Variants in PCDHGB2 observed in about 807,000 individuals in gnomAD.
PCDHGB2 encodes protocadherin gamma-B2.
PCDHGB2 carries 55 observed loss-of-function variants against 59.3 expected under a neutral mutation model. That is an observed-to-expected ratio of 0.93 (90% CI 0.75 to 1.16). The LOEUF is 1.16. Ranked by LOEUF, PCDHGB2 falls within the 50% of genes most tolerant of loss-of-function variation. PCDHGB2 has a pLI of 0.00. For missense variants in PCDHGB2, 1,228 were observed against 1,198.5 expected (o/e 1.02, Z -0.36); for synonymous variants, 516 against 512.0 (o/e 1.01, Z -0.11).
chr5:141,478,259 T>A lies in PCDHGB2; in HGVS notation c.2422-16548T>A, dbSNP rs534973741. ...GGTCACAGTGTTCGGAGTAATCATA[T>A]TCAAAGTTTACAAGTGGAAGCAGTC... On this transcript the variant is annotated intron_variant, in intron 1 of 3. Transcript: ENST00000522605. 3.2e-5 allele frequency: 52 copies of A among 1,614,064 alleles called. No individual in the cohort carries two copies. The highest frequency in any genetic ancestry group is 4.4e-5 in the Non-Finnish European group (52 of 1,180,048).
Position 141,376,087 on chromosome 5 carries a change from C to G in PCDHGB2, c.2421+13531C>G, listed in dbSNP as rs1772268954. On this transcript the variant is annotated intron_variant, in intron 1 of 3. Coordinates refer to ENST00000522605, the MANE Select transcript of PCDHGB2 (RefSeq NM_018923.3). The stretch of plus-strand genomic sequence containing the variant: ...TCACCGTGGCCGTGGCCGACAGGAT[C>G]CCCGACATCCTGGCCGACCTGGGCA... 1 of 1,613,538 alleles carries G rather than the reference C, an allele frequency of 6.2e-7. No individual in the cohort carries two copies. The highest frequency in any genetic ancestry group is 8.5e-7 in the Non-Finnish European group (1 of 1,179,934).
intron 1 of PCDHGB2, chr5:141,417,121 G>C (rs2096086482): frequency 6.6e-6 from 1 of 152,110 alleles, no homozygotes; most frequent in Non-Finnish European, 1.5e-5. Context: ...GGACACCCTG[G>C]ATGATGGTAA....
At chr5:141,466,325 C>T (rs1252026939) in intron 1 of PCDHGB2, among the ~76,000 whole-genome samples, 3 of 152,108 alleles carry the variant, frequency 2.0e-5, no homozygotes, top group African/African-American at 7.2e-5. Context: ...CACATGCTAC[C>T]ATGCCTGGAT....
chr5:141,396,922 C>T lies in PCDHGB2; in HGVS notation c.2421+34366C>T, dbSNP rs576253766. Among the ~76,000 whole-genome samples, 68 of 152,290 alleles carry T rather than the reference C, an allele frequency of 4.5e-4. 1 individual carries two copies. The highest frequency in any genetic ancestry group is 1.5e-3 in the African/African-American group (61 of 41,560). ...TTGGCACTTTGCAATTTTAAAAACT[C>T]GGATGAAAGTTGCCCTGGTAGGAAA... On this transcript the variant is annotated intron_variant, in intron 1 of 3. Transcript: ENST00000522605.
In PCDHGB2 at chr5:141,387,802, G is replaced by A. The variant is rs916959942; in HGVS notation, c.2421+25246G>A. 2.0e-6 allele frequency: 3 copies of A among 1,511,984 alleles called. No homozygotes were observed. The Admixed American group carries it at 7.0e-5, about 35-fold the overall frequency. 93.7% of individuals were successfully genotyped at this position (1,511,984 alleles called of 1,614,324 possible). On this transcript the variant is annotated intron_variant, in intron 1 of 3. Coordinates refer to ENST00000522605, the MANE Select transcript of PCDHGB2 (RefSeq NM_018923.3). ...CTGGAACTGCAACTAAAGTCCGTTC[G>A]GAGATCCAAAAATCTGCAATACAGA...
Position 141,370,669 on chromosome 5 carries a change from G to T in PCDHGB2, c.2421+8113G>T, listed in dbSNP as rs370792537. 8.7e-6 allele frequency: 14 copies of T among 1,613,790 alleles called. No homozygotes were observed. The highest frequency in any genetic ancestry group is 1.1e-5 in the Non-Finnish European group (13 of 1,179,912). On this transcript the variant is annotated intron_variant, in intron 1 of 3. Coordinates refer to ENST00000522605, the MANE Select transcript of PCDHGB2 (RefSeq NM_018923.3). ...TTACTTGTGAGCGACCGTATAGACCGAGAGGAGATTTGTGGCAAGAAGTCG... is the reference window on the plus strand; with the variant it reads ...TTACTTGTGAGCGACCGTATAGACCTAGAGGAGATTTGTGGCAAGAAGTCG...
At chr5:141,415,252 C>T (rs895920596) in intron 1 of PCDHGB2, 5 of 1,614,098 alleles carry the variant, frequency 3.1e-6, no homozygotes, top group Non-Finnish European at 4.2e-6. Context: ...AACCTCAGAC[C>T]TCACTCTGTA....
At chr5:141,389,926 A>G (rs1442843006) in intron 1 of PCDHGB2, 2 of 1,613,766 alleles carry the variant, frequency 1.2e-6, no homozygotes, top group Non-Finnish European at 1.7e-6. Context: ...GACCCCTCTG[A>G]CCTCCAGGCT....
intron 1 of PCDHGB2, among the ~76,000 whole-genome samples, chr5:141,382,462 T>A (rs1481999551): frequency 6.6e-6 from 1 of 152,240 alleles, no homozygotes; most frequent in Admixed American, 6.5e-5. Context: ...AGCAGTTTTT[T>A]AAAAATTATC....
At position 141,384,635 on chromosome 5, in the gene PCDHGB2, C is replaced by G. The variant is rs752480661; in HGVS notation, c.2421+22079C>G. On this transcript the variant is annotated intron_variant, in intron 1 of 3. Coordinates refer to ENST00000522605, the MANE Select transcript of PCDHGB2 (RefSeq NM_018923.3). The stretch of plus-strand genomic sequence containing the variant: ...GGTTCTACTGGCATGGAGCTGGCAC[C>G]CCGCTCCGCAGAGCCCGGCTACCTG... The G allele has an allele frequency of 1.9e-6, 3 of 1,614,214 alleles. No individual in the cohort carries two copies. The East Asian group carries it at 6.7e-5, about 36-fold the overall frequency.
At chr5:141,374,673 A>AC (rs753936532) in intron 1 of PCDHGB2, 1 of 1,610,972 alleles carries the variant, frequency 6.2e-7, no homozygotes, top group Admixed American at 1.7e-5. Flanking sequence ...CTGGTGCTGG[A>AC]GGGCACACTG....
At chr5:141,398,041 G>A in intron 1 of PCDHGB2, 3 of 1,492,894 alleles carry the variant, frequency 2.0e-6, no homozygotes, top group Non-Finnish European at 2.7e-6. Context: ...ACTAAAGCCC[G>A]TTCGGAGATC....
rs2099691833 is a variant in PCDHGB2, at chr5:141,489,761, C to A, written c.2422-5046C>A. 8.1e-6 allele frequency: 13 copies of A among 1,614,102 alleles called. No individual in the cohort carries two copies. The highest frequency in any genetic ancestry group is 1.1e-5 in the Non-Finnish European group (13 of 1,179,962). ...ACTGTGAGCTTTTACACTCTAAGCCCCAACAGCCACTTCTCTCTGAATGTG... is the reference window on the plus strand; with the variant it reads ...ACTGTGAGCTTTTACACTCTAAGCCACAACAGCCACTTCTCTCTGAATGTG... On this transcript the variant is annotated intron_variant, in intron 1 of 3. Coordinates refer to ENST00000522605, the MANE Select transcript of PCDHGB2 (RefSeq NM_018923.3). The surrounding 1 kb of genome is among the most constrained non-coding windows in gnomAD (Gnocchi z 4.5).
chr5:141,382,978 T>C, intron 1 of PCDHGB2: 1 of 1,610,702 alleles, frequency 6.2e-7, no homozygotes, highest in Non-Finnish European at 8.5e-7. Context: ...CTGGGAAGCC[T>C]GGGCAGGACG....
chr5:141,422,719 CA>C (rs2096667277), intron 1 of PCDHGB2: 1 of 1,604,786 alleles, frequency 6.2e-7, no homozygotes, highest in Admixed American at 1.7e-5. Flanking sequence ...TGACACTGTC[CA>C]GGGGGTGCCT....
intron 1 of PCDHGB2, among the ~76,000 whole-genome samples, chr5:141,483,218 A>G (rs2099578440): frequency 6.6e-6 from 1 of 152,188 alleles, no homozygotes; most frequent in Admixed American, 6.5e-5. Flanking sequence ...GATGACAGTC[A>G]CTGCAGAAAT....
chr5:141,381,832 T>TCTTC (rs1561589349), intron 1 of PCDHGB2, among the ~76,000 whole-genome samples: 34 of 135,172 alleles, frequency 2.5e-4, no homozygotes, highest in African/African-American at 1.0e-3. Context: ...TCTTCTTTTT[T>TCTTC]TTTTTTTTTT....
Position 141,490,483 on chromosome 5 carries a change from G to A in PCDHGB2, c.2422-4324G>A. On this transcript the variant is annotated intron_variant, in intron 1 of 3. Transcript: ENST00000522605. The surrounding 1 kb of genome is among the most constrained non-coding windows in gnomAD (Gnocchi z 5.4). ...GCTAACCAGCCAGCCTTTGGACCGG[G>A]AGGCCACATCCCACTATATCATCGA... 2.5e-6 allele frequency: 4 copies of A among 1,614,198 alleles called. No individual in the cohort carries two copies. Among genetic ancestry groups the A allele is most frequent in the Non-Finnish European group, 3.4e-6 (4 of 1,180,046 alleles).
At chr5:141,508,604 A>G (rs2099870124) in intron 3 of PCDHGB2, among the ~76,000 whole-genome samples, 1 of 152,150 alleles carries the variant, frequency 6.6e-6, no homozygotes, top group African/African-American at 2.4e-5. Flanking sequence ...TCTTGGGTGC[A>G]CATAGGACGT....
Sources: allele counts gnomAD v4.1 joint callset (sites outside exome capture counted in the v4.1 genomes callset), GRCh38; gene constraint gnomAD v4.1.1; non-coding constraint Gnocchi (gnomAD v3.1); transcripts MANE v1.5; gene names NCBI Gene and HGNC (gene_info 2026-07-23, HGNC 2026-07-21).